The following LSAMP variants were observed in gnomAD, a reference collection of about 807,000 sequenced individuals.
LSAMP encodes the protein limbic system associated membrane protein.
A neutral mutation model predicts 38.6 loss-of-function variants in LSAMP; 7 were observed. The observed-to-expected ratio is 0.18, with a 90% CI of 0.10 to 0.34. LSAMP has a LOEUF of 0.34. Among genes scored for constraint, LSAMP ranks in the 10% least tolerant of loss-of-function variants. The pLI is 1.00. For missense variants in LSAMP, 313 were observed against 420.0 expected (o/e 0.75, Z 2.23); for synonymous variants, 154 against 166.8 (o/e 0.92, Z 0.59).
intron 3 of LSAMP, among the ~76,000 whole-genome samples, chr3:116,006,948 A>G (rs1940176899): frequency 6.6e-6 from 1 of 152,212 alleles, no homozygotes; most frequent in African/African-American, 2.4e-5. Context: ...TGTCTTCCAC[A>G]GCCCAAACAG....
intron 1 of LSAMP, among the ~76,000 whole-genome samples, chr3:116,173,446 C>T (rs953825583): frequency 3.9e-5 from 6 of 151,912 alleles, no homozygotes; most frequent in Non-Finnish European, 8.8e-5. Flanking sequence ...AATAGTAACT[C>T]TAGAATTTAT....
intron 1 of LSAMP, among the ~76,000 whole-genome samples, chr3:116,241,287 G>T (rs1299572076): frequency 6.6e-6 from 1 of 151,678 alleles, no homozygotes; most frequent in Non-Finnish European, 1.5e-5. Context: ...TATGTTGGCC[G>T]GGCGCAGTGG....
At chr3:116,039,809 C>T (rs930716192) in intron 2 of LSAMP, among the ~76,000 whole-genome samples, 7 of 152,120 alleles carry the variant, frequency 4.6e-5, no homozygotes, top group African/African-American at 7.2e-5. Context: ...GGCTGCAATA[C>T]GAATGGCAGG....
At chr3:115,965,974 G>A (rs1938797437) in intron 3 of LSAMP, among the ~76,000 whole-genome samples, 1 of 152,132 alleles carries the variant, frequency 6.6e-6, no homozygotes, top group African/African-American at 2.4e-5. Flanking sequence ...GCTAATATTG[G>A]TCTTTCTCTT....
intron 1 of LSAMP, among the ~76,000 whole-genome samples, chr3:116,206,355 C>CT (rs1365292947): frequency 1.3e-5 from 2 of 151,036 alleles, no homozygotes; most frequent in African/African-American, 4.9e-5. Flanking sequence ...AAAAAACCAG[C>CT]TCCTGGATTC....
chr3:115,955,602 A>T (rs1177928608), intron 3 of LSAMP, among the ~76,000 whole-genome samples: 1 of 146,666 alleles, frequency 6.8e-6, no homozygotes, highest in Admixed American at 6.9e-5. Context: ...CCATTGTATT[A>T]ACTGCTGATG....
At position 116,100,676 on chromosome 3, in the gene LSAMP, C is replaced by T. The variant is rs1920378; in HGVS notation, c.156-14120G>A. 9.9e-3 allele frequency among the ~76,000 whole-genome samples: 1,511 copies of T among 152,236 alleles called. 20 individuals are homozygous for T. Among genetic ancestry groups the T allele is most frequent in the African/African-American group, 0.033 (1,360 of 41,518 alleles). On this transcript the variant is annotated intron_variant, in intron 1 of 6. Transcript: ENST00000490035. The stretch of plus-strand genomic sequence containing the variant: ...TTTCATAGTGAACAGAATGTACATA[C>T]ATAAAGTTGATCATGTACTCATCTT...
intron 1 of LSAMP, among the ~76,000 whole-genome samples, chr3:116,192,279 T>C (rs1710772074): frequency 6.6e-6 from 1 of 152,172 alleles, no homozygotes; most frequent in South Asian, 2.1e-4. Context: ...GCAGTGATGA[T>C]GCAGGAGTAA....
intron 1 of LSAMP, among the ~76,000 whole-genome samples, chr3:116,278,926 C>A (rs2047090134): frequency 6.6e-6 from 1 of 152,164 alleles, no homozygotes. Context: ...CAAGGGCAGC[C>A]AAGGAAACTC....
At position 116,339,135 on chromosome 3, in the gene LSAMP, G is replaced by T. The variant is rs144208643; in HGVS notation, c.155+105742C>A. On this transcript the variant is annotated intron_variant, in intron 1 of 6. Coordinates refer to ENST00000490035, the MANE Select transcript of LSAMP (RefSeq NM_002338.5). ...ATGACAGGGTGCATTAAAAGCAGAG[G>T]CCAGGGAATTTACCAGGCAGGCTTT... is the stretch of plus-strand genomic sequence containing the variant. Among the ~76,000 whole-genome samples the T allele has an allele frequency of 2.6e-5, 4 of 152,072 alleles. 1 individual carries two copies. The highest frequency in any genetic ancestry group is 5.9e-5 in the Non-Finnish European group (4 of 67,952).
At chr3:116,087,869 G>T (rs1354946595) in intron 1 of LSAMP, among the ~76,000 whole-genome samples, 1 of 150,918 alleles carries the variant, frequency 6.6e-6, no homozygotes, top group Admixed American at 6.6e-5. Flanking sequence ...AATTTTAAAC[G>T]AATTGTATAT....
intron 6 of LSAMP, among the ~76,000 whole-genome samples, chr3:115,838,826 C>T (rs1000241467): frequency 2.2e-4 from 33 of 152,212 alleles, no homozygotes; most frequent in African/African-American, 7.7e-4. Flanking sequence ...TGCAAGTTTA[C>T]ACTGTGTGAA....
chr3:116,226,840 C>T (rs988100911), intron 1 of LSAMP, among the ~76,000 whole-genome samples: 2 of 152,208 alleles, frequency 1.3e-5, no homozygotes, highest in Non-Finnish European at 2.9e-5. Context: ...GAACTGGGCT[C>T]CGTGAGTTTT....
chr3:116,334,663 T>C (rs974470892), intron 1 of LSAMP, among the ~76,000 whole-genome samples: 2 of 152,096 alleles, frequency 1.3e-5, no homozygotes, highest in African/African-American at 4.8e-5. Flanking sequence ...ATTATCTCAG[T>C]TGATGTAAAG....
intron 3 of LSAMP, among the ~76,000 whole-genome samples, chr3:115,984,317 A>G (rs1461907607): frequency 6.6e-6 from 1 of 152,192 alleles, no homozygotes; most frequent in Non-Finnish European, 1.5e-5. Context: ...GGGAATTATA[A>G]ATAGAGATTT....
chr3:116,408,065 T>C (rs1454976717), intron 1 of LSAMP, among the ~76,000 whole-genome samples: 1 of 152,036 alleles, frequency 6.6e-6, no homozygotes, highest in Non-Finnish European at 1.5e-5. Flanking sequence ...ATAAAATAAA[T>C]AGGGACAAAA....
intron 1 of LSAMP, among the ~76,000 whole-genome samples, chr3:116,128,904 C>T (rs945105828): frequency 5.9e-5 from 9 of 152,214 alleles, no homozygotes; most frequent in African/African-American, 2.2e-4. Flanking sequence ...CAATGCCATT[C>T]ATATATTACC....
intron 1 of LSAMP, among the ~76,000 whole-genome samples, chr3:116,125,225 A>T (rs1268113814): frequency 3.3e-5 from 5 of 152,202 alleles, no homozygotes; most frequent in African/African-American, 4.8e-5. Context: ...AAGTTTTAAC[A>T]AGAACAAAAT....
chr3:116,053,903 A>G (rs1164788184), intron 2 of LSAMP, among the ~76,000 whole-genome samples: 2 of 152,194 alleles, frequency 1.3e-5, no homozygotes, highest in Admixed American at 6.5e-5. Flanking sequence ...TTTTAGTTCT[A>G]TACATTTAAC....
Sources: gnomAD v4.1 joint callset for allele counts (sites outside exome capture counted in the v4.1 genomes callset) on GRCh38, gnomAD v4.1.1 for gene constraint, MANE v1.5 for transcripts, NCBI Gene and HGNC (gene_info 2026-07-23, HGNC 2026-07-21) for gene names.